The following PHACTR4 variants were observed in gnomAD, a reference collection of about 807,000 sequenced individuals.
The protein encoded by PHACTR4 is phosphatase and actin regulator 4.
PHACTR4 carries 51 observed loss-of-function variants against 72.7 expected under a neutral mutation model. The observed-to-expected ratio is 0.70, with a 90% confidence interval of 0.56 to 0.89. The LOEUF (loss-of-function observed/expected upper bound fraction) is 0.89. PHACTR4 is among the 40% of genes least tolerant of loss of function. The probability of loss-of-function intolerance (pLI) is 0.00; values close to 1 mark genes in which losing one functional copy is unlikely to be tolerated. For synonymous variants in PHACTR4, 255 were observed against 302.5 expected, an observed-to-expected ratio of 0.84 and a Z score of 1.63; for missense variants, 731 against 861.8, an observed-to-expected ratio of 0.85 and a Z score of 1.90.
chr1:28,475,498 A>AT lies in PHACTR4; in HGVS notation c.1422-608dup, dbSNP rs1432936510. On this transcript the variant is annotated intron_variant, in intron 7 of 13. Coordinates refer to ENST00000373839, the MANE Select transcript of PHACTR4 (RefSeq NM_001048183.3). ...TACTGAAGCCTTCTGCTCTTTAGTT[A>AT]TATCATCTCTAAATGGGAATAATAT... 2.6e-5 allele frequency among the ~76,000 whole-genome samples: 4 copies of AT among 152,188 alleles called. No homozygotes were observed. The East Asian group carries it at 7.7e-4, about 29-fold the overall frequency.
At chr1:28,384,612 CCA>C (rs1212223258) in intron 1 of PHACTR4, among the ~76,000 whole-genome samples, 2 of 152,040 alleles carry the variant, frequency 1.3e-5, no homozygotes, top group African/African-American at 4.8e-5. Flanking sequence ...AGACCCAACT[CCA>C]CCAGGCGCAA....
At chr1:28,476,372 GAT>G in intron 8 of PHACTR4, 81 bp downstream of exon 8, 1 of 1,380,680 alleles carries the variant, frequency 7.2e-7, no homozygotes, top group Non-Finnish European at 9.6e-7. Flanking sequence ...TGTCAAAAGA[GAT>G]ATGGAAACAG....
Position 28,479,704 on chromosome 1 carries a change from ACGAAACC to A in PHACTR4, c.1607-737_1607-731del, listed in dbSNP as rs1253913854. Among the ~76,000 whole-genome samples the A allele has an allele frequency of 1.6e-4, 25 of 152,020 alleles. No homozygotes were observed. The East Asian group carries it at 4.5e-3, about 27-fold the overall frequency. ...AGTTCAAACCAGCCTGGCCAACATA[ACGAAACC>A]CGAAACCCGGTGTCTACTAAAAATA... On this transcript the variant is annotated intron_variant, in intron 8 of 13. Transcript: ENST00000373839.
intron 2 of PHACTR4, among the ~76,000 whole-genome samples, chr1:28,441,730 C>T (rs1319455483): frequency 6.6e-6 from 1 of 152,182 alleles, no homozygotes; most frequent in East Asian, 1.9e-4. Context: ...TGCATTGGTT[C>T]GTGTCTATAA....
intron 1 of PHACTR4, among the ~76,000 whole-genome samples, chr1:28,385,536 C>G (rs926584362): frequency 1.5e-4 from 17 of 117,136 alleles, no homozygotes; most frequent in African/African-American, 6.2e-4. Context: ...GAGCAAGACT[C>G]TGTCTCAAAA....
intron 2 of PHACTR4, among the ~76,000 whole-genome samples, chr1:28,435,024 A>G (rs527712606): frequency 1.3e-5 from 2 of 152,224 alleles, no homozygotes; most frequent in Admixed American, 6.5e-5. Context: ...AACTTACCCA[A>G]ATATTCAAGG....
At chr1:28,426,721 CTTT>C (rs34171573) in intron 2 of PHACTR4, among the ~76,000 whole-genome samples, 2 of 142,342 alleles carry the variant, frequency 1.4e-5, no homozygotes, top group Admixed American at 7.1e-5. Context: ...TACTGGAAGA[CTTT>C]TTTTTTTTTT....
intron 2 of PHACTR4, among the ~76,000 whole-genome samples, chr1:28,416,942 G>C (rs1292306944): frequency 6.6e-6 from 1 of 151,972 alleles, no homozygotes; most frequent in Non-Finnish European, 1.5e-5. Flanking sequence ...TTAATTTTTA[G>C]ATATGGTACA....
chr1:28,469,614 TTGTAGA>T (rs1425312868), intron 6 of PHACTR4, among the ~76,000 whole-genome samples: 1 of 152,222 alleles, frequency 6.6e-6, no homozygotes, highest in African/African-American at 2.4e-5. Context: ...ATGAGTTTTG[TTGTAGA>T]TGGAATAGCT....
intron 1 of PHACTR4, among the ~76,000 whole-genome samples, chr1:28,378,572 C>A (rs1014937057): frequency 8.1e-6 from 1 of 123,636 alleles, no homozygotes; most frequent in African/African-American, 3.0e-5. Flanking sequence ...CCCCCCAGCC[C>A]CCCCCCCCTT....
At chr1:28,443,280 TCTC>T (rs1657177308) in intron 2 of PHACTR4, among the ~76,000 whole-genome samples, 4 of 63,172 alleles carry the variant, frequency 6.3e-5, no homozygotes, top group African/African-American at 2.5e-4. Context: ...TTTCTCTCTC[TCTC>T]TTCTTTCTTT....
chr1:28,459,242 TAA>T lies in PHACTR4; in HGVS notation c.176_177del (p.Lys59ArgfsTer21), dbSNP rs750158825. On this transcript the variant is annotated frameshift_variant, in exon 3 of 14. Coordinates refer to ENST00000373839, the MANE Select transcript of PHACTR4 (RefSeq NM_001048183.3). LOFTEE classifies it high-confidence loss of function. ...GGAAAAAAAAAAGTAGTGATAAATT[TAA>T]AGAGACTTCAGAAGGTGAGATATTA... ...WRKKKSSDKF[K>X]ETSEVLERKI... The T allele has an allele frequency of 6.2e-7, 1 of 1,613,472 alleles. No homozygotes were observed. The highest frequency in any genetic ancestry group is 2.2e-5 in the East Asian group (1 of 44,878).
chr1:28,487,041 A>C (rs573473148), intron 9 of PHACTR4, among the ~76,000 whole-genome samples: 62 of 152,058 alleles, frequency 4.1e-4, no homozygotes, highest in Admixed American at 1.2e-3. Context: ...TAAATAAATA[A>C]ATACATACAT....
At chr1:28,402,436 G>A (rs944856005) in intron 1 of PHACTR4, among the ~76,000 whole-genome samples, 1 of 152,140 alleles carries the variant, frequency 6.6e-6, no homozygotes, top group Non-Finnish European at 1.5e-5. Flanking sequence ...TGTATCATCA[G>A]TGTATATAGG....
chr1:28,377,130 A>G (rs1651742861), intron 1 of PHACTR4, among the ~76,000 whole-genome samples: 1 of 150,830 alleles, frequency 6.6e-6, no homozygotes, highest in Admixed American at 6.6e-5. Context: ...GGGTTTCGCC[A>G]TGTTGGCCAG....
intron 1 of PHACTR4, among the ~76,000 whole-genome samples, chr1:28,381,606 T>A (rs1234617673): frequency 1.3e-5 from 2 of 151,560 alleles, no homozygotes; most frequent in Non-Finnish European, 2.9e-5. Context: ...CCTGGCCTAT[T>A]TTTTTACTTT....
intron 11 of PHACTR4, 146 bp downstream of exon 11, chr1:28,491,158 C>T: frequency 1.4e-6 from 1 of 738,352 alleles, no homozygotes. Context: ...TGCTTGAGCC[C>T]AGGAGTTCAA....
intron 1 of PHACTR4, among the ~76,000 whole-genome samples, chr1:28,394,269 A>G (rs1174361452): frequency 6.6e-6 from 1 of 150,586 alleles, no homozygotes. Context: ...AAAAAAAAAG[A>G]AAGAGGGACG....
chr1:28,399,583 A>G (rs1242478919), intron 1 of PHACTR4, among the ~76,000 whole-genome samples: 1 of 152,062 alleles, frequency 6.6e-6, no homozygotes, highest in African/African-American at 2.4e-5. Flanking sequence ...GCTAGTGTTC[A>G]TTTATTTATT....
Sources: gnomAD v4.1 joint callset for allele counts (sites outside exome capture counted in the v4.1 genomes callset) on GRCh38, gnomAD v4.1.1 for gene constraint, MANE v1.5 for transcripts, NCBI Gene and HGNC (gene_info 2026-07-23, HGNC 2026-07-21) for gene names.